The following BMP5 variants were observed in gnomAD, a reference collection of about 807,000 sequenced individuals.
BMP5 encodes bone morphogenetic protein 5.
A neutral mutation model predicts 46.6 loss-of-function variants in BMP5; 23 were observed. The ratio of observed to expected loss-of-function variants is 0.49; its 90% CI spans 0.35 to 0.70. The LOEUF (loss-of-function observed/expected upper bound fraction) is 0.70. Among genes scored for constraint, BMP5 ranks in the 30% least tolerant of loss-of-function variants. The probability of loss-of-function intolerance (pLI) is 0.00; values close to 1 mark genes in which losing one functional copy is unlikely to be tolerated. For synonymous variants in BMP5, 204 were observed against 191.9 expected (o/e 1.06, Z -0.52); for missense variants, 545 against 565.6 (o/e 0.96, Z 0.37).
chr6:55,874,342 A>G (rs750330947), intron 1 of BMP5, 34 bp downstream of exon 1: 2 of 1,612,296 alleles, frequency 1.2e-6, no homozygotes, highest in Non-Finnish European at 8.5e-7. Flanking sequence ...CCACTTTGTA[A>G]TAACATAGAT....
chr6:55,837,656 G>A (rs1176137955), intron 1 of BMP5, among the ~76,000 whole-genome samples: 2 of 152,106 alleles, frequency 1.3e-5, no homozygotes, highest in African/African-American at 2.4e-5. Flanking sequence ...GTTACAAGTA[G>A]TCCAATTATA....
At position 55,755,693 on chromosome 6, in the gene BMP5, A is replaced by T; in HGVS notation, c.1216-11T>A. The stretch of plus-strand genomic sequence containing the variant: ...AAACATCAGATGAACCTGGGAAAGA[A>T]AAAAGGTTTTGTTTTATTAAGAAAT... On this transcript the variant is annotated splice_polypyrimidine_tract_variant and intron_variant, in intron 6 of 6. Transcript: ENST00000370830. 1 of 1,610,844 alleles carries T rather than the reference A, an allele frequency of 6.2e-7. No homozygotes were observed.
chr6:55,770,540 C>T (rs1464441091), intron 4 of BMP5, among the ~76,000 whole-genome samples: 1 of 151,888 alleles, frequency 6.6e-6, no homozygotes, highest in African/African-American at 2.4e-5. Context: ...AACGATTTCG[C>T]TTTCTTATCA....
intron 1 of BMP5, among the ~76,000 whole-genome samples, chr6:55,848,811 C>G (rs1221072967): frequency 6.6e-6 from 1 of 151,974 alleles, no homozygotes; most frequent in Non-Finnish European, 1.5e-5. Context: ...TTTCCCTTAT[C>G]TCCAGTCATA....
intron 2 of BMP5, among the ~76,000 whole-genome samples, chr6:55,796,810 G>C (rs1258269780): frequency 6.6e-6 from 1 of 152,008 alleles, no homozygotes; most frequent in African/African-American, 2.4e-5. Flanking sequence ...TTTAGAAAAA[G>C]CATCAAGAAT....
intron 2 of BMP5, among the ~76,000 whole-genome samples, chr6:55,796,412 A>G (rs1775712546): frequency 6.6e-6 from 1 of 152,050 alleles, no homozygotes; most frequent in Non-Finnish European, 1.5e-5. Context: ...TTCAAATCCC[A>G]AAACTTTCCA....
At chr6:55,792,874 T>C (rs1380930952) in intron 3 of BMP5, among the ~76,000 whole-genome samples, 1 of 152,204 alleles carries the variant, frequency 6.6e-6, no homozygotes, top group African/African-American at 2.4e-5. Flanking sequence ...TGCCTGATTC[T>C]GTGACAACAA....
At chr6:55,810,900 A>C (rs1776117418) in intron 2 of BMP5, among the ~76,000 whole-genome samples, 2 of 152,120 alleles carry the variant, frequency 1.3e-5, no homozygotes. Context: ...ATACACACAC[A>C]TACCTGCCCC....
In BMP5 at chr6:55,769,263, C is replaced by G. The variant is rs191162721; in HGVS notation, c.1027+4786G>C. 5.0e-3 allele frequency among the ~76,000 whole-genome samples: 756 copies of G among 151,906 alleles called. 6 individuals carry two copies. The highest frequency in any genetic ancestry group is 6.6e-3 in the Non-Finnish European group (447 of 67,860). Reference sequence around the variant, plus strand: ...AAGGTCTTCTTTTAAAATTGGAGTCCATCTTCTCAAATCCTGCCTCTACTC... The same window carrying G: ...AAGGTCTTCTTTTAAAATTGGAGTCGATCTTCTCAAATCCTGCCTCTACTC... On this transcript the variant is annotated intron_variant, in intron 4 of 6. Coordinates refer to ENST00000370830, the MANE Select transcript of BMP5 (RefSeq NM_021073.4).
intron 1 of BMP5, among the ~76,000 whole-genome samples, chr6:55,837,725 G>A (rs1582107209): frequency 6.6e-6 from 1 of 152,018 alleles, no homozygotes; most frequent in Admixed American, 6.6e-5. Context: ...TCATTCTGTT[G>A]TGCTACCAAA....
At chr6:55,854,394 A>T (rs1274083583) in intron 1 of BMP5, among the ~76,000 whole-genome samples, 4 of 152,240 alleles carry the variant, frequency 2.6e-5, no homozygotes, top group African/African-American at 9.6e-5. Flanking sequence ...TTTTCATTTC[A>T]ATAAAATTAA....
At chr6:55,802,640 A>C (rs1276296195) in intron 2 of BMP5, among the ~76,000 whole-genome samples, 2 of 152,042 alleles carry the variant, frequency 1.3e-5, no homozygotes, top group African/African-American at 2.4e-5. Context: ...AACTGCAACC[A>C]TGTGACTAGC....
chr6:55,865,547 G>C, intron 1 of BMP5: 1 of 339,250 alleles, frequency 2.9e-6, no homozygotes, highest in Non-Finnish European at 5.8e-6. Flanking sequence ...TGGGGGAACA[G>C]AGTCCATCAG....
At position 55,754,129 on chromosome 6, in the gene BMP5, A is replaced by T. The variant is rs1281581435; in HGVS notation, c.*1404T>A. ...TTTGAAAGATCCAAAAGGATGATTA[A>T]TAAATGGTGCTTTATGAATACTTTA... On this transcript the variant is annotated 3_prime_UTR_variant, in exon 7 of 7. Transcript: ENST00000370830. 6.6e-6 allele frequency: 1 copy of T among 152,024 alleles called. No homozygotes were observed. The highest frequency in any genetic ancestry group is 2.4e-5 in the African/African-American group (1 of 41,434). 9.4% of individuals were successfully genotyped at this position (152,024 alleles called of 1,614,324 possible).
chr6:55,781,607 ATTT>A (rs1172320071), intron 3 of BMP5, among the ~76,000 whole-genome samples: 1 of 140,228 alleles, frequency 7.1e-6, no homozygotes, highest in African/African-American at 2.6e-5. Flanking sequence ...ATTATTCCAA[ATTT>A]TTTTTTTTTT....
At chr6:55,776,912 A>C (rs1775187456) in intron 3 of BMP5, among the ~76,000 whole-genome samples, 1 of 151,970 alleles carries the variant, frequency 6.6e-6, no homozygotes, top group Admixed American at 6.6e-5. Flanking sequence ...CTAAAAACTG[A>C]AAAGATGTGT....
chr6:55,792,263 G>A (rs927860615), intron 3 of BMP5, among the ~76,000 whole-genome samples: 7 of 152,176 alleles, frequency 4.6e-5, no homozygotes, highest in Admixed American at 1.3e-4. Flanking sequence ...GCCGGGCGCG[G>A]TGGCTCACGC....
intron 3 of BMP5, among the ~76,000 whole-genome samples, chr6:55,780,240 A>T (rs1446160916): frequency 2.0e-5 from 3 of 151,976 alleles, no homozygotes; most frequent in African/African-American, 7.2e-5. Flanking sequence ...ACGGACTGGA[A>T]AAATGAAATC....
chr6:55,813,799 A>AG (rs1390524773), intron 2 of BMP5, among the ~76,000 whole-genome samples: 3 of 151,986 alleles, frequency 2.0e-5, no homozygotes, highest in East Asian at 1.9e-4. Flanking sequence ...AAAAAAAAAA[A>AG]AAGGTAATAT....
Sources: allele counts gnomAD v4.1 joint callset (sites outside exome capture counted in the v4.1 genomes callset), GRCh38; gene constraint gnomAD v4.1.1; transcripts MANE v1.5; gene names NCBI Gene and HGNC (gene_info 2026-07-23, HGNC 2026-07-21).